The following XRRA1 variants were observed in gnomAD, a reference collection of about 807,000 sequenced individuals.
XRRA1 encodes X-ray radiation resistance associated 1, also known as X-ray radiation resistance-associated protein 1.
A neutral mutation model predicts 80.2 loss-of-function variants in XRRA1; 69 were observed. The observed-to-expected ratio is 0.86, with a 90% CI of 0.71 to 1.05. XRRA1 has a LOEUF of 1.05. Among genes scored for constraint, XRRA1 ranks in the 50% least tolerant of loss-of-function variants. XRRA1 has a pLI of 0.00. For synonymous variants in XRRA1, 348 were observed against 389.9 expected (o/e 0.89, Z 1.27); for missense variants, 967 against 976.4 (o/e 0.99, Z 0.13).
At chr11:74,865,418 C>T (rs2043192916) in intron 10 of XRRA1, among the ~76,000 whole-genome samples, 1 of 152,198 alleles carries the variant, frequency 6.6e-6, no homozygotes, top group Non-Finnish European at 1.5e-5. Context: ...ACAGCAGATC[C>T]CAAGGGGGCC....
At chr11:74,864,745 T>C (rs1010750914) in intron 10 of XRRA1, among the ~76,000 whole-genome samples, 3 of 152,208 alleles carry the variant, frequency 2.0e-5, no homozygotes, top group Admixed American at 6.5e-5. Context: ...TTGCCGTTTT[T>C]CTGATCCACC....
rs1049824253 is a variant in XRRA1, at chr11:74,880,844, T to C, written c.1004-17823A>G. Among the ~76,000 whole-genome samples the C allele has an allele frequency of 6.6e-5, 10 of 151,842 alleles. 1 individual carries two copies. Among genetic ancestry groups the C allele is most frequent in the Non-Finnish European group, 1.3e-4 (9 of 67,848 alleles). On this transcript the variant is annotated intron_variant, in intron 10 of 18. Coordinates refer to ENST00000684022, the MANE Select transcript of XRRA1 (RefSeq NM_001378157.1). ...CTGAGAGATAGTTTGTTATAATTTCTGTTCTTTTACATTTGCTGAGGAGAG... is the reference window on the plus strand; with the variant it reads ...CTGAGAGATAGTTTGTTATAATTTCCGTTCTTTTACATTTGCTGAGGAGAG...
At chr11:74,946,703 TGTGA>T (rs1294604818) in intron 1 of XRRA1, among the ~76,000 whole-genome samples, 5 of 152,150 alleles carry the variant, frequency 3.3e-5, no homozygotes, top group African/African-American at 1.2e-4. Context: ...CACTACAGGC[TGTGA>T]GTATCTCCAA....
intron 10 of XRRA1, among the ~76,000 whole-genome samples, chr11:74,902,274 G>A (rs1022981265): frequency 3.9e-5 from 6 of 152,178 alleles, no homozygotes; most frequent in Non-Finnish European, 7.3e-5. Context: ...AACAAATGCT[G>A]GTGAGGATGT....
intron 1 of XRRA1, among the ~76,000 whole-genome samples, chr11:74,947,388 T>G (rs1947802194): frequency 6.6e-6 from 1 of 151,976 alleles, no homozygotes; most frequent in South Asian, 2.1e-4. Flanking sequence ...TAGCCAGGTG[T>G]GGTGGCATGT....
intron 15 of XRRA1, among the ~76,000 whole-genome samples, chr11:74,847,782 A>C (rs2135436615): frequency 6.6e-6 from 1 of 152,310 alleles, no homozygotes; most frequent in South Asian, 2.1e-4. Flanking sequence ...CAGCATCAAA[A>C]GTGAGGAGAC....
Position 74,907,265 on chromosome 11 carries a change from G to C in XRRA1, c.665C>G (p.Ser222Cys), listed in dbSNP as rs374625710. ...PNLAVAEQEA[S>C]VTSLTSKRYI... ...CCTCTTGCTTGTCAGCGATGTTACA[G>C]ATGCCTCCCTGTGAGTGCAAAGATC... Residue 222 changes from serine to cysteine, a missense_variant, in exon 9 of 19, where the codon TCT becomes TGT. Transcript: ENST00000684022. 6.2e-7 allele frequency: 1 copy of C among 1,613,818 alleles called. No homozygotes were observed. The highest frequency in any genetic ancestry group is 1.3e-5 in the African/African-American group (1 of 74,938).
intron 2 of XRRA1, among the ~76,000 whole-genome samples, chr11:74,943,569 C>CAG (rs141326220): frequency 0.038 from 3,324 of 86,632 alleles, 128 homozygotes; most frequent in African/African-American, 0.13. Context: ...GTGTATGTGT[C>CAG]AGAGAGAGAG....
At chr11:74,933,914 A>G in intron 4 of XRRA1, 42 bp from the exon 5 acceptor site, 1 of 1,544,630 alleles carries the variant, frequency 6.5e-7, no homozygotes, top group Non-Finnish European at 8.8e-7. Context: ...GGCCCCTACA[A>G]AGTTTAATTA....
rs1202171855 is a variant in XRRA1 at position 74,841,096 on chromosome 11, T to C, written c.*2104A>G. On this transcript the variant is annotated 3_prime_UTR_variant, in exon 19 of 19. Transcript: ENST00000684022. ...ATCTTGGAAAGTGATATATTTTGAT[T>C]GGAATAATTTTAATTAAATTTAATG... 1.3e-5 allele frequency: 2 copies of C among 152,178 alleles called. No individual in the cohort carries two copies. Among genetic ancestry groups the C allele is most frequent in the African/African-American group, 4.8e-5 (2 of 41,438 alleles). 9.4% of individuals were successfully genotyped at this position (152,178 alleles called of 1,614,324 possible).
Position 74,900,523 on chromosome 11 carries a change from G to A in XRRA1, c.1003+5716C>T, listed in dbSNP as rs534451413. ...CTTGAACCTGGGAGGTGGAGGCTGC[G>A]GTGAGCCAAGATCGTGCCATTGCAC... On this transcript the variant is annotated intron_variant, in intron 10 of 18. Transcript: ENST00000684022. Among the ~76,000 whole-genome samples, 13 of 151,992 alleles carry A rather than the reference G, an allele frequency of 8.6e-5. No homozygotes were observed. The East Asian group carries it at 1.6e-3, about 18-fold the overall frequency.
intron 11 of XRRA1, among the ~76,000 whole-genome samples, 179 bp downstream of exon 11, chr11:74,862,802 C>G (rs535918855): frequency 1.1e-4 from 17 of 152,166 alleles, no homozygotes; most frequent in Admixed American, 9.8e-4. Context: ...ACATGTCTGT[C>G]TCTGGCCAGC....
intron 6 of XRRA1, among the ~76,000 whole-genome samples, chr11:74,929,716 TC>T (rs1177670647): frequency 1.3e-5 from 2 of 152,198 alleles, no homozygotes; most frequent in African/African-American, 4.8e-5. Flanking sequence ...GTGCTCCTCT[TC>T]TCAGTTCCTC....
chr11:74,937,481 T>C (rs576484771), intron 3 of XRRA1, among the ~76,000 whole-genome samples: 1 of 152,134 alleles, frequency 6.6e-6, no homozygotes, highest in South Asian at 2.1e-4. Context: ...CTATTGGTCA[T>C]CTCTTGAGTA....
intron 12 of XRRA1, among the ~76,000 whole-genome samples, chr11:74,855,287 A>C (rs573755849): frequency 1.9e-3 from 284 of 152,364 alleles, no homozygotes; most frequent in Non-Finnish European, 3.4e-3. Flanking sequence ...CAAGGGGTCA[A>C]GAGACAATCA....
rs1409068032 is a variant in XRRA1, at chr11:74,911,776, A to C, written c.657-4503T>G. Among the ~76,000 whole-genome samples the C allele has an allele frequency of 5.3e-5, 8 of 152,284 alleles. No individual in the cohort carries two copies. In the East Asian group the frequency reaches 1.5e-3, roughly 29 times the overall value. ...AGAAAGGAAGCAGTATGCCAAATCT[A>C]AAAACCCAGAGGGAGAAACTTAACA... On this transcript the variant is annotated intron_variant, in intron 8 of 18. Transcript: ENST00000684022.
intron 10 of XRRA1, among the ~76,000 whole-genome samples, chr11:74,889,129 A>G (rs1296854540): frequency 6.6e-6 from 1 of 152,176 alleles, no homozygotes; most frequent in Non-Finnish European, 1.5e-5. Context: ...GAAATGAAGG[A>G]AAAAATGTTA....
chr11:74,888,897 G>A lies in XRRA1; in HGVS notation c.1003+17342C>T, dbSNP rs527884824. Among the ~76,000 whole-genome samples, 125 of 152,254 alleles carry A rather than the reference G, an allele frequency of 8.2e-4. 1 individual carries two copies. Among genetic ancestry groups the A allele is most frequent in the Non-Finnish European group, 1.5e-3 (100 of 68,020 alleles). On this transcript the variant is annotated intron_variant, in intron 10 of 18. Transcript: ENST00000684022. ...AGAAACAAAGCCTCCAAGAAATATG[G>A]GACTATGTGAAAAGACCAAATCTAC...
intron 12 of XRRA1, among the ~76,000 whole-genome samples, chr11:74,852,707 T>C (rs1310648070): frequency 1.3e-5 from 2 of 152,348 alleles, no homozygotes; most frequent in East Asian, 3.9e-4. Context: ...CGGTGGCTTA[T>C]TGGCCAAGCC....
Sources: allele counts gnomAD v4.1 joint callset (sites outside exome capture counted in the v4.1 genomes callset), GRCh38; gene constraint gnomAD v4.1.1; transcripts MANE v1.5; gene names NCBI Gene and HGNC (gene_info 2026-07-23, HGNC 2026-07-21).